The following SLC39A11 variants were observed in gnomAD, a reference collection of about 807,000 sequenced individuals.
SLC39A11 encodes the protein solute carrier family 39 member 11.
A neutral mutation model predicts 36.1 loss-of-function variants in SLC39A11; 33 were observed. That is an observed-to-expected ratio of 0.91 (90% CI 0.69 to 1.22). The LOEUF is 1.22. Ranked by LOEUF, SLC39A11 falls within the 50% of genes most tolerant of loss-of-function variation. SLC39A11 has a pLI of 0.00. For synonymous variants in SLC39A11, 166 were observed against 170.3 expected (o/e 0.97, Z 0.20); for missense variants, 432 against 430.3 (o/e 1.00, Z -0.03).
At chr17:72,653,261 C>T (rs1486943694) in intron 7 of SLC39A11, among the ~76,000 whole-genome samples, 2 of 151,548 alleles carry the variant, frequency 1.3e-5, no homozygotes. Flanking sequence ...TGTGCCACCA[C>T]ACCCCCCTAT....
intron 6 of SLC39A11, among the ~76,000 whole-genome samples, chr17:72,808,213 C>T (rs893062708): frequency 6.6e-6 from 1 of 152,196 alleles, no homozygotes; most frequent in Non-Finnish European, 1.5e-5. Flanking sequence ...GAACTACCAT[C>T]TAGGGGGATT....
intron 7 of SLC39A11, among the ~76,000 whole-genome samples, chr17:72,677,584 AGG>A (rs34680919): frequency 0.47 from 71,556 of 151,316 alleles, 17,027 homozygotes; most frequent in Admixed American, 0.52. Context: ...AGGGCAAATG[AGG>A]GTTTGTGAGT....
At chr17:72,861,740 T>TATATATA (rs1555605569) in intron 5 of SLC39A11, among the ~76,000 whole-genome samples, 1 of 67,346 alleles carries the variant, frequency 1.5e-5, no homozygotes, top group Non-Finnish European at 2.9e-5. Context: ...ACATTGGAGA[T>TATATATA]TATATATATA....
chr17:72,833,071 C>T (rs1243677942), intron 6 of SLC39A11, among the ~76,000 whole-genome samples: 1 of 152,176 alleles, frequency 6.6e-6, no homozygotes, highest in Non-Finnish European at 1.5e-5. Flanking sequence ...TCAATCAAGA[C>T]CTTAATCAAG....
intron 5 of SLC39A11, among the ~76,000 whole-genome samples, chr17:72,911,934 G>A (rs1331359913): frequency 6.6e-5 from 10 of 152,096 alleles, no homozygotes; most frequent in African/African-American, 2.2e-4. Context: ...GTGAGCCACT[G>A]CAGCCTGGCC....
At chr17:73,017,962 A>G (rs1365116042) in intron 4 of SLC39A11, among the ~76,000 whole-genome samples, 1 of 152,212 alleles carries the variant, frequency 6.6e-6, no homozygotes, top group Non-Finnish European at 1.5e-5. Context: ...CAGAGGTCAT[A>G]TGGTACTAGA....
intron 2 of SLC39A11, among the ~76,000 whole-genome samples, chr17:73,085,856 C>A (rs2060712511): frequency 6.6e-6 from 1 of 152,076 alleles, no homozygotes; most frequent in African/African-American, 2.4e-5. Flanking sequence ...CAAACTCTCA[C>A]CAACAGTAGG....
intron 5 of SLC39A11, among the ~76,000 whole-genome samples, chr17:72,859,718 C>T (rs967600455): frequency 6.6e-6 from 1 of 150,502 alleles, no homozygotes; most frequent in South Asian, 2.1e-4. Context: ...ACCAAGAAAA[C>T]TTCATAGAAA....
chr17:73,051,018 A>C (rs1428866911), intron 3 of SLC39A11, among the ~76,000 whole-genome samples: 2 of 152,218 alleles, frequency 1.3e-5, no homozygotes, highest in African/African-American at 2.4e-5. Context: ...ATAACAAAAG[A>C]CTGCAAACTG....
intron 4 of SLC39A11, among the ~76,000 whole-genome samples, chr17:73,012,713 G>A (rs1006200845): frequency 1.3e-5 from 2 of 152,000 alleles, no homozygotes; most frequent in Non-Finnish European, 2.9e-5. Flanking sequence ...CTCTCTAGTA[G>A]TCCCCAGTGA....
chr17:72,944,118 C>T (rs1041908263), intron 5 of SLC39A11, among the ~76,000 whole-genome samples: 1 of 152,108 alleles, frequency 6.6e-6, no homozygotes, highest in African/African-American at 2.4e-5. Context: ...CTTATAAAAC[C>T]CAACCCAACC....
intron 4 of SLC39A11, among the ~76,000 whole-genome samples, chr17:73,020,836 C>G (rs1358833412): frequency 5.9e-5 from 9 of 152,008 alleles, no homozygotes; most frequent in African/African-American, 2.2e-4. Flanking sequence ...GCGCGTGCCA[C>G]CACACCCGGC....
chr17:72,681,178 C>A (rs775954171), intron 7 of SLC39A11, among the ~76,000 whole-genome samples: 62 of 152,132 alleles, frequency 4.1e-4, no homozygotes, highest in Admixed American at 1.8e-3. Flanking sequence ...CCGCCCACCT[C>A]GGCCTCCCAA....
At chr17:72,846,546 C>T (rs1017367830) in intron 6 of SLC39A11, among the ~76,000 whole-genome samples, 1 of 152,176 alleles carries the variant, frequency 6.6e-6, no homozygotes. Context: ...AGTCAACAAA[C>T]ATTTGAGAAA....
At chr17:72,985,055 G>A (rs28551484) in intron 4 of SLC39A11, among the ~76,000 whole-genome samples, 78,548 of 151,932 alleles carry the variant, frequency 0.52, 21,235 homozygotes, top group Middle Eastern at 0.69. Flanking sequence ...AGGCCCAGCC[G>A]GGCTAGAGGC....
intron 4 of SLC39A11, among the ~76,000 whole-genome samples, chr17:72,984,418 A>G (rs1568069331): frequency 1.3e-5 from 2 of 152,126 alleles, no homozygotes; most frequent in Admixed American, 6.6e-5. Flanking sequence ...AGAAAATTCA[A>G]GAAATAAGAT....
chr17:72,705,869 C>T (rs2072872625), intron 7 of SLC39A11, among the ~76,000 whole-genome samples: 2 of 152,190 alleles, frequency 1.3e-5, no homozygotes, highest in Admixed American at 1.3e-4. Context: ...TTTGCCTGGA[C>T]CAGTTACTTA....
At chr17:72,993,312 A>G (rs796770809) in intron 4 of SLC39A11, among the ~76,000 whole-genome samples, 1 of 152,358 alleles carries the variant, frequency 6.6e-6, no homozygotes, top group African/African-American at 2.4e-5. Context: ...GGAGCGTTTT[A>G]TGTAAATTAT....
At chr17:72,798,394 C>T (rs2076967431) in intron 6 of SLC39A11, among the ~76,000 whole-genome samples, 1 of 148,078 alleles carries the variant, frequency 6.8e-6, no homozygotes, top group Admixed American at 6.8e-5. Context: ...AGACTGAGCT[C>T]TGGTCTCTTC....
Sources: allele counts gnomAD v4.1 joint callset (sites outside exome capture counted in the v4.1 genomes callset), GRCh38; gene constraint gnomAD v4.1.1; transcripts MANE v1.5; gene names NCBI Gene and HGNC (gene_info 2026-07-23, HGNC 2026-07-21).